TRAF6: variants seen among roughly 807,000 people sequenced by gnomAD.
The protein encoded by TRAF6 is TNF receptor-associated factor 6.
TRAF6 carries 10 observed loss-of-function variants against 48.4 expected under a neutral mutation model. That is an observed-to-expected ratio of 0.21 (90% confidence interval 0.13 to 0.35). TRAF6 has a LOEUF of 0.35. Among genes scored for constraint, TRAF6 ranks in the 10% least tolerant of loss-of-function variants. The probability of loss-of-function intolerance (pLI) is 1.00; values close to 1 mark genes in which losing one functional copy is unlikely to be tolerated. For missense variants in TRAF6, 397 were observed against 661.0 expected (o/e 0.60, Z 4.38); for synonymous variants, 186 against 219.6 (o/e 0.85, Z 1.35).
In TRAF6 at chr11:36,487,755, T is replaced by A. The variant is rs1371213965; in HGVS notation, c.*2083A>T. 2 of 151,720 alleles carry A rather than the reference T, an allele frequency of 1.3e-5. No individual in the cohort carries two copies. The highest frequency in any genetic ancestry group is 3.9e-4 in the East Asian group (2 of 5,176). The allele number at this position is 151,720 out of a possible 1,614,324, so 9.4% of individuals were successfully genotyped here. ...AGACTCTTGAGTTAGTAGAAAAAAA[T>A]AGTATCACCAAGGCAGGAAATGACT... is the stretch of plus-strand genomic sequence containing the variant. On this transcript the variant is annotated 3_prime_UTR_variant, in exon 7 of 7. Transcript: ENST00000526995.
Position 36,490,641 on chromosome 11 carries a change from T to A in TRAF6, c.766A>T (p.Asn256Tyr). The A allele has an allele frequency of 3.1e-6, 5 of 1,606,534 alleles. No homozygotes were observed. The highest frequency in any genetic ancestry group is 4.3e-6 in the Non-Finnish European group (5 of 1,174,466). ...TFGCHEKMQRNHLARHLQENT... is the reference protein window; with the variant it reads ...TFGCHEKMQRYHLARHLQENT... ...TCTTGTAGGTGGCGTGCCAAGTGAT[T>A]CCTCTGCATCTAAAAATCAAGCACA... Residue 256 changes from asparagine to tyrosine, a missense_variant, in exon 7 of 7, where the codon AAT becomes TAT. Physicochemically the swap from Asn to Tyr is moderately radical, Grantham distance 143. Coordinates refer to ENST00000526995, the MANE Select transcript of TRAF6 (RefSeq NM_004620.4). The surrounding 1 kb of genome is among the most constrained non-coding windows in gnomAD (Gnocchi z 6.4).
intron 2 of TRAF6, among the ~76,000 whole-genome samples, chr11:36,499,535 A>G (rs1158900403): frequency 1.3e-5 from 2 of 152,134 alleles, no homozygotes; most frequent in Non-Finnish European, 2.9e-5. Context: ...CTTCCTGGGC[A>G]TGGCAGTGAG....
Position 36,484,560 on chromosome 11 carries a change from G to T in TRAF6, c.*5278C>A, listed in dbSNP as rs146260750. ...TTTCTTAATAGAGTCATACATTAAT[G>T]AATGTTACCCATTATTTAATATTTA... On this transcript the variant is annotated 3_prime_UTR_variant, in exon 7 of 7. Coordinates refer to ENST00000526995, the MANE Select transcript of TRAF6 (RefSeq NM_004620.4). 6.6e-6 allele frequency among the ~76,000 whole-genome samples: 1 copy of T among 152,276 alleles called. No individual in the cohort carries two copies. Among genetic ancestry groups the T allele is most frequent in the African/African-American group, 2.4e-5 (1 of 41,544 alleles).
Position 36,501,417 on chromosome 11 carries a change from A to T in TRAF6, c.99T>A (p.Asp33Glu). The change falls in exon 2 of 7, where the codon GAT (aspartate) becomes GAA (glutamate). Residue 33 changes from aspartate (D) to glutamate (E), a missense_variant. By Grantham distance (45) the Asp-to-Glu change is conservative. This residue lies in a region of TRAF6 where 73 missense variants were observed against 87.3 expected (regional missense o/e 0.84). Transcript: ENST00000526995. The stretch of plus-strand genomic sequence containing the variant: ...TGCTGGCAGTTCCACCCACACTATC[A>T]TCTTTTGTTACAGCGCTACAGGAGC... ...MASSCSAVTK[D>E]DSVGGTASTG... 8.1e-6 allele frequency: 13 copies of T among 1,614,076 alleles called. No individual in the cohort carries two copies. The highest frequency in any genetic ancestry group is 1.1e-5 in the South Asian group (1 of 91,084).
chr11:36,506,539 C>A (rs979570806), intron 1 of TRAF6, among the ~76,000 whole-genome samples: 1 of 152,072 alleles, frequency 6.6e-6, no homozygotes, highest in Non-Finnish European at 1.5e-5. Context: ...TGTATCTTTT[C>A]TTTTCTGCCC....
In TRAF6 at chr11:36,490,331, T is replaced by G; in HGVS notation, c.1076A>C (p.Asn359Thr). Residue 359 changes from asparagine (N) to threonine (T), a missense_variant, in exon 7 of 7, where the codon AAC (asparagine) becomes ACC (threonine). Around this residue, in one of 4 missense-constraint regions of TRAF6, gnomAD observed 245 missense variants for 349.1 expected, o/e 0.70. Coordinates refer to ENST00000526995, the MANE Select transcript of TRAF6 (RefSeq NM_004620.4). This position sits in a 1 kb window ranked among gnomAD's most constrained non-coding sequence, Gnocchi z 6.4. ...TTGACATTTCAAATGCATTCCAAAG[T>G]TGCCAATCTTCCAAATATAAATTCC... Reference protein sequence around the residue: ...CNGIYIWKIGNFGMHLKCQEE... With the variant: ...CNGIYIWKIGTFGMHLKCQEE... The G allele has an allele frequency of 1.2e-6, 2 of 1,614,200 alleles. No homozygotes were observed. Among genetic ancestry groups the G allele is most frequent in the Non-Finnish European group, 1.7e-6 (2 of 1,180,040 alleles).
intron 1 of TRAF6, among the ~76,000 whole-genome samples, chr11:36,505,231 T>C (rs1215577338): frequency 6.6e-6 from 1 of 152,192 alleles, no homozygotes; most frequent in Non-Finnish European, 1.5e-5. Context: ...AGGTGGCATC[T>C]TTTTCCAATA....
chr11:36,484,149 C>A lies in TRAF6; in HGVS notation c.*5689G>T, dbSNP rs1025954456. On this transcript the variant is annotated 3_prime_UTR_variant, in exon 7 of 7. Transcript: ENST00000526995. ...TCCGAGGTTTCACTGCCATTAGGAG[C>A]AGGGCTTGTTTTATGCGCTCCGTGC... Among the ~76,000 whole-genome samples the A allele has an allele frequency of 1.3e-5, 2 of 152,200 alleles. No individual in the cohort carries two copies. Among genetic ancestry groups the A allele is most frequent in the Admixed American group, 6.5e-5 (1 of 15,284 alleles).
At chr11:36,506,828 A>G (rs1174850190) in intron 1 of TRAF6, among the ~76,000 whole-genome samples, 1 of 152,160 alleles carries the variant, frequency 6.6e-6, no homozygotes, top group African/African-American at 2.4e-5. Flanking sequence ...CTATTTTCCA[A>G]ATAAACTTTT....
chr11:36,491,784 C>T (rs1859567299), intron 6 of TRAF6, among the ~76,000 whole-genome samples: 3 of 152,230 alleles, frequency 2.0e-5, no homozygotes, highest in Non-Finnish European at 4.4e-5. Context: ...TACCACAAAT[C>T]ACTTTCCCAA....
At chr11:36,509,865 A>AGG (rs1211977883) in intron 1 of TRAF6, among the ~76,000 whole-genome samples, 183 bp downstream of exon 1, 1 of 150,476 alleles carries the variant, frequency 6.6e-6, no homozygotes, top group East Asian at 2.0e-4. Flanking sequence ...GCAAGCGGGT[A>AGG]GGGGCGGCGT....
At chr11:36,506,753 C>G (rs1859789798) in intron 1 of TRAF6, among the ~76,000 whole-genome samples, 1 of 152,144 alleles carries the variant, frequency 6.6e-6, no homozygotes, top group African/African-American at 2.4e-5. Flanking sequence ...TGAGCATGTT[C>G]AAAATCTATT....
At position 36,498,538 on chromosome 11, in the gene TRAF6, T is replaced by C. The variant is rs964117686; in HGVS notation, c.399A>G (p.Lys133=). 1.1e-5 allele frequency: 18 copies of C among 1,612,836 alleles called. No homozygotes were observed. The highest frequency in any genetic ancestry group is 1.5e-5 in the Non-Finnish European group (18 of 1,179,918). Residue 133 remains lysine, a synonymous_variant, in exon 3 of 7, where the codon AAA becomes AAG. Coordinates refer to ENST00000526995, the MANE Select transcript of TRAF6 (RefSeq NM_004620.4). The part of the protein sequence containing the change: ...AKREILSLMV[K]CPNEGCLHKM... ...TGTGCAAACAACCTTCATTTGGACA[T>C]TTCACCATCAGAGAAAGAATCTCAC...
intron 5 of TRAF6, among the ~76,000 whole-genome samples, chr11:36,494,635 A>ATG (rs1448244732): frequency 6.6e-6 from 1 of 151,674 alleles, no homozygotes; most frequent in Non-Finnish European, 1.5e-5. Context: ...GTGTAAATAT[A>ATG]TATATATATA....
chr11:36,500,713 T>C (rs1859704387), intron 2 of TRAF6, among the ~76,000 whole-genome samples: 1 of 152,156 alleles, frequency 6.6e-6, no homozygotes, highest in Non-Finnish European at 1.5e-5. Flanking sequence ...GACTGGATTT[T>C]GGATATATTA....
intron 3 of TRAF6, among the ~76,000 whole-genome samples, chr11:36,498,184 G>A (rs773894048): frequency 6.6e-6 from 1 of 151,892 alleles, no homozygotes; most frequent in Non-Finnish European, 1.5e-5. Flanking sequence ...GTGCCTGGCC[G>A]ACACCTGTAT....
intron 4 of TRAF6, 150 bp from the exon 5 acceptor site, chr11:36,495,197 T>G: frequency 1.7e-6 from 1 of 581,998 alleles, no homozygotes; most frequent in Non-Finnish European, 3.1e-6. Context: ...GAGTAATATA[T>G]AAAGGCTATT....
Position 36,492,556 on chromosome 11 carries a change from C to T in TRAF6, c.751G>A (p.Glu251Lys), listed in dbSNP as rs1455564718. 3.7e-6 allele frequency: 6 copies of T among 1,605,674 alleles called. No homozygotes were observed. Among genetic ancestry groups the T allele is most frequent in the Middle Eastern group, 3.3e-4 (2 of 6,016 alleles). Residue 251 changes from glutamate to lysine, a missense_variant, in exon 6 of 7, where the codon GAA becomes AAA. Glu to Lys is a moderately conservative substitution (Grantham distance 56). This residue lies in a region of TRAF6 where 245 missense variants were observed against 349.1 expected (regional missense o/e 0.70). Coordinates refer to ENST00000526995, the MANE Select transcript of TRAF6 (RefSeq NM_004620.4). ...AAAAGAAAAAAAAACCTTACCTTTTCATGGCAACCAAAAGTACTGAATGTG... is the reference window on the plus strand; with the variant it reads ...AAAAGAAAAAAAAACCTTACCTTTTTATGGCAACCAAAAGTACTGAATGTG... ...PCTFSTFGCH[E>K]KMQRNHLARH...
At chr11:36,496,704 T>C (rs1261664722) in intron 4 of TRAF6, among the ~76,000 whole-genome samples, 3 of 152,226 alleles carry the variant, frequency 2.0e-5, no homozygotes, top group African/African-American at 7.2e-5. Context: ...TTTGATTTAT[T>C]CTTTGTAATA....
Sources: gnomAD v4.1 joint callset for allele counts (sites outside exome capture counted in the v4.1 genomes callset) on GRCh38, gnomAD v4.1.1 for gene constraint, gnomAD v4.1.1 regional missense constraint, Gnocchi (gnomAD v3.1) non-coding constraint, MANE v1.5 for transcripts, NCBI Gene and HGNC (gene_info 2026-07-23, HGNC 2026-07-21) for gene names.